Variants in EDIL3 observed in about 807,000 individuals in gnomAD.
EDIL3 encodes EGF like and discoidin domains 3, also known as EGF-like repeat and discoidin I-like domain-containing protein 3.
EDIL3 carries 37 observed loss-of-function variants against 67.4 expected under a neutral mutation model. The observed-to-expected ratio is 0.55, with a 90% CI of 0.42 to 0.72. EDIL3 has a LOEUF of 0.72. EDIL3 is among the 30% of genes least tolerant of loss of function. The probability of loss-of-function intolerance (pLI) is 0.00; values close to 1 mark genes in which losing one functional copy is unlikely to be tolerated. For synonymous variants in EDIL3, 195 were observed against 196.3 expected (o/e 0.99, Z 0.05); for missense variants, 527 against 586.3 (o/e 0.90, Z 1.04).
At chr5:84,249,328 T>C (rs1744974168) in intron 2 of EDIL3, among the ~76,000 whole-genome samples, 1 of 152,194 alleles carries the variant, frequency 6.6e-6, no homozygotes, top group African/African-American at 2.4e-5. Flanking sequence ...ATCTGCTTTA[T>C]ATTTTTATGG....
chr5:84,312,411 G>C (rs1746421405), intron 1 of EDIL3, among the ~76,000 whole-genome samples: 1 of 147,752 alleles, frequency 6.8e-6, no homozygotes, highest in Non-Finnish European at 1.5e-5. Context: ...TCCCGGACGG[G>C]GCGGCTGGCC....
intron 4 of EDIL3, among the ~76,000 whole-genome samples, chr5:84,176,214 T>TATATATATAAA (rs1554071698): frequency 4.2e-4 from 56 of 133,318 alleles, no homozygotes; most frequent in African/African-American, 1.7e-3. Flanking sequence ...TATATATATA[T>TATATATATAAA]ATATATATAT....
intron 9 of EDIL3, among the ~76,000 whole-genome samples, chr5:84,017,090 C>T (rs566471035): frequency 4.6e-5 from 7 of 152,276 alleles, no homozygotes; most frequent in Admixed American, 1.3e-4. Flanking sequence ...AGTTTTATAA[C>T]GTTTTTAATG....
intron 9 of EDIL3, among the ~76,000 whole-genome samples, chr5:83,964,489 G>A (rs1393364015): frequency 6.6e-6 from 1 of 151,728 alleles, no homozygotes; most frequent in Non-Finnish European, 1.5e-5. Flanking sequence ...TCTATTTCAG[G>A]TCCTCTATCC....
chr5:84,125,045 G>C (rs1177403877), intron 5 of EDIL3, among the ~76,000 whole-genome samples: 2 of 151,932 alleles, frequency 1.3e-5, no homozygotes, highest in Non-Finnish European at 2.9e-5. Flanking sequence ...CAAGGATGCA[G>C]AGTAAAAACA....
chr5:84,325,179 G>A lies in EDIL3; in HGVS notation c.67+59129C>T, dbSNP rs555390422. On this transcript the variant is annotated intron_variant, in intron 1 of 10. Coordinates refer to ENST00000296591, the MANE Select transcript of EDIL3 (RefSeq NM_005711.5). ...TTGTACATCAAAAGATTCTATCAGC[G>A]GAGAATTTTATCCACAGAATTGGAG... 5.3e-5 allele frequency among the ~76,000 whole-genome samples: 8 copies of A among 151,648 alleles called. No individual in the cohort carries two copies. In the South Asian group the frequency reaches 6.3e-4, roughly 12 times the overall value.
In EDIL3 at chr5:84,166,676, T is replaced by C. The variant is rs542779556; in HGVS notation, c.355+13717A>G. On this transcript the variant is annotated intron_variant, in intron 4 of 10. Coordinates refer to ENST00000296591, the MANE Select transcript of EDIL3 (RefSeq NM_005711.5). ...GTGATGAGTGCTAAGAAAATAAAGA[T>C]GAGTAAAAGAGAGGAACAGCAAAGA... is the stretch of plus-strand genomic sequence containing the variant. Among the ~76,000 whole-genome samples, 17 of 152,102 alleles carry C rather than the reference T, an allele frequency of 1.1e-4. No individual in the cohort carries two copies. The South Asian group carries it at 1.7e-3, about 15-fold the overall frequency.
chr5:84,379,607 T>C (rs1748035676), intron 1 of EDIL3, among the ~76,000 whole-genome samples: 1 of 152,156 alleles, frequency 6.6e-6, no homozygotes, highest in African/African-American at 2.4e-5. Context: ...TCATTAATAA[T>C]TGTTTTACTA....
intron 1 of EDIL3, among the ~76,000 whole-genome samples, chr5:84,335,236 T>A (rs1746961448): frequency 6.6e-6 from 1 of 152,198 alleles, no homozygotes; most frequent in Non-Finnish European, 1.5e-5. Flanking sequence ...TTTGTCTGCC[T>A]TAACAATTTT....
At position 84,384,850 on chromosome 5, in the gene EDIL3, CA is replaced by C. The variant is rs1395950761; in HGVS notation, c.-477del. ...GGGAGCGAGCGGGCCGCCGGGAGCG[CA>C]CTGTGTACAAACAGAGGCGGCGTGC... On this transcript the variant is annotated 5_prime_UTR_variant, in exon 1 of 11. Transcript: ENST00000296591. The C allele has an allele frequency of 6.6e-6, 1 of 152,280 alleles. No homozygotes were observed. Among genetic ancestry groups the C allele is most frequent in the Non-Finnish European group, 1.5e-5 (1 of 68,182 alleles). 9.4% of individuals were successfully genotyped at this position (152,280 alleles called of 1,614,324 possible). A position where few individuals can be genotyped will look rare whatever the true frequency, so the allele number is the denominator to read the frequency against.
chr5:84,281,959 C>T (rs560183981), intron 1 of EDIL3, among the ~76,000 whole-genome samples: 7 of 148,936 alleles, frequency 4.7e-5, no homozygotes, highest in South Asian at 2.1e-4. Flanking sequence ...CTCTGCCTCC[C>T]GGATTCAAGT....
At chr5:84,203,054 C>T (rs1206672400) in intron 3 of EDIL3, among the ~76,000 whole-genome samples, 1 of 152,058 alleles carries the variant, frequency 6.6e-6, no homozygotes, top group Non-Finnish European at 1.5e-5. Context: ...ACTTTTACAA[C>T]CAAGTGACAG....
chr5:84,228,145 T>C (rs1744489804), intron 3 of EDIL3, among the ~76,000 whole-genome samples: 1 of 152,052 alleles, frequency 6.6e-6, no homozygotes, highest in Admixed American at 6.6e-5. Flanking sequence ...AGCTAGTGGC[T>C]GCCCTATTGG....
chr5:84,214,477 T>C (rs1744187579), intron 3 of EDIL3, among the ~76,000 whole-genome samples: 1 of 152,092 alleles, frequency 6.6e-6, no homozygotes, highest in Non-Finnish European at 1.5e-5. Context: ...TACTCTATTG[T>C]TTCTTATTAA....
intron 9 of EDIL3, among the ~76,000 whole-genome samples, chr5:84,035,964 T>C (rs1746015882): frequency 1.3e-5 from 2 of 152,208 alleles, no homozygotes; most frequent in Admixed American, 6.5e-5. Flanking sequence ...TCTTCATTTC[T>C]GGACACCAGA....
intron 3 of EDIL3, among the ~76,000 whole-genome samples, chr5:84,220,176 G>A (rs1000670146): frequency 1.3e-5 from 2 of 151,998 alleles, no homozygotes; most frequent in Non-Finnish European, 2.9e-5. Context: ...TTCTGTGATG[G>A]GATTATTACA....
chr5:84,221,834 A>G (rs1218637498), intron 3 of EDIL3, among the ~76,000 whole-genome samples: 1 of 152,030 alleles, frequency 6.6e-6, no homozygotes, highest in Non-Finnish European at 1.5e-5. Context: ...GAGGGAAAAT[A>G]TGTATTTATG....
At chr5:84,135,506 T>C (rs1037518434) in intron 5 of EDIL3, among the ~76,000 whole-genome samples, 1 of 152,246 alleles carries the variant, frequency 6.6e-6, no homozygotes, top group African/African-American at 2.4e-5. Context: ...GACAGACATC[T>C]TGGAGGTGCT....
At chr5:84,147,676 C>A (rs1037469428) in intron 4 of EDIL3, among the ~76,000 whole-genome samples, 1 of 151,684 alleles carries the variant, frequency 6.6e-6, no homozygotes, top group African/African-American at 2.4e-5. Flanking sequence ...TGAAATAAAA[C>A]CTTCAGTTCA....
Sources: gnomAD v4.1 joint callset for allele counts (sites outside exome capture counted in the v4.1 genomes callset) on GRCh38, gnomAD v4.1.1 for gene constraint, MANE v1.5 for transcripts, NCBI Gene and HGNC (gene_info 2026-07-23, HGNC 2026-07-21) for gene names.